Variants in SRCIN1 observed in about 807,000 individuals in gnomAD.
SRCIN1 encodes the protein P130Cas-associated protein.
A neutral mutation model predicts 116.2 loss-of-function variants in SRCIN1; 50 were observed. That is an observed-to-expected ratio of 0.43 (90% CI 0.34 to 0.54). The LOEUF (loss-of-function observed/expected upper bound fraction) is 0.54. Ranked by LOEUF, SRCIN1 falls within the 20% of genes least tolerant of loss-of-function variation. SRCIN1 has a pLI of 0.02. For synonymous variants in SRCIN1, 736 were observed against 750.0 expected, an observed-to-expected ratio of 0.98 and a Z score of 0.30; for missense variants, 1,446 against 1,672.0, an observed-to-expected ratio of 0.86 and a Z score of 2.36.
intron 3 of SRCIN1, among the ~76,000 whole-genome samples, chr17:38,565,259 C>T (rs1906605891): frequency 2.0e-5 from 3 of 152,136 alleles, no homozygotes; most frequent in Admixed American, 2.0e-4. Context: ...TGCCTTAGTC[C>T]CTGGGCAAGA....
intron 14 of SRCIN1, 190 bp downstream of exon 14, chr17:38,551,696 T>C: frequency 1.2e-6 from 1 of 857,906 alleles, no homozygotes; most frequent in Non-Finnish European, 1.8e-6. Context: ...ATTGTAGCTT[T>C]ATAATACGCT....
chr17:38,552,267 C>T lies in SRCIN1; in HGVS notation c.2481-135G>A. On this transcript the variant is annotated intron_variant, in intron 13 of 18. Coordinates refer to ENST00000617146, the MANE Select transcript of SRCIN1 (RefSeq NM_025248.3). This position sits in a 1 kb window ranked among gnomAD's most constrained non-coding sequence, Gnocchi z 5.3. ...GGAGGGCCTGGGGAGGAGTGACTGC[C>T]CCTGGTATAAGAGGAAGCCAGGTCT... 2 of 1,438,500 alleles carry T rather than the reference C, an allele frequency of 1.4e-6. No homozygotes were observed. Among genetic ancestry groups the T allele is most frequent in the Non-Finnish European group, 1.9e-6 (2 of 1,073,448 alleles). The allele number at this position is 1,438,500 out of a possible 1,614,324, so 89.1% of individuals were successfully genotyped here.
chr17:38,581,827 G>A (rs1450982343), intron 1 of SRCIN1, among the ~76,000 whole-genome samples: 2 of 152,156 alleles, frequency 1.3e-5, no homozygotes, highest in African/African-American at 2.4e-5. Context: ...TGAGAAGGCT[G>A]GGGGTTCCCT....
At chr17:38,534,595 C>T (rs1012462620) in intron 18 of SRCIN1, among the ~76,000 whole-genome samples, 11 of 152,180 alleles carry the variant, frequency 7.2e-5, no homozygotes, top group Admixed American at 2.6e-4. Context: ...TGGGCAGGGT[C>T]GTTCACTTCC....
In SRCIN1 at chr17:38,564,238, C is replaced by A; in HGVS notation, c.421G>T (p.Ala141Ser). 6.3e-7 allele frequency: 1 copy of A among 1,578,606 alleles called. No homozygotes were observed. The highest frequency in any genetic ancestry group is 8.6e-7 in the Non-Finnish European group (1 of 1,163,992). The change falls in exon 4 of 19, where the codon GCC (alanine) becomes TCC (serine). Residue 141 changes from alanine (A) to serine (S), a missense_variant. By Grantham distance (99) the Ala-to-Ser change is moderately conservative. This residue lies in a region of SRCIN1 where 246 missense variants were observed against 265.1 expected (regional missense o/e 0.93). Transcript: ENST00000617146. The stretch of plus-strand genomic sequence containing the variant: ...TCCGACATGGTCTCCAGCGACTCGG[C>A]GGAGGCGTAGGACAGCTTTGCCGCC... ...DQAAKLSYAS[A>S]ESLETMSEAE...
Position 38,558,513 on chromosome 17 carries a change from C to T in SRCIN1, c.2026-111G>A. On this transcript the variant is annotated intron_variant, in intron 10 of 18. Coordinates refer to ENST00000617146, the MANE Select transcript of SRCIN1 (RefSeq NM_025248.3). This position sits in a 1 kb window ranked among gnomAD's most constrained non-coding sequence, Gnocchi z 4.6. ...CTGCCCAATCCAGGGCGGGGCTCTGCAGAAGAAGCGGCTGCTTGGCTCCGC... is the reference window on the plus strand; with the variant it reads ...CTGCCCAATCCAGGGCGGGGCTCTGTAGAAGAAGCGGCTGCTTGGCTCCGC... 2 of 1,302,980 alleles carry T rather than the reference C, an allele frequency of 1.5e-6. No individual in the cohort carries two copies. Among genetic ancestry groups the T allele is most frequent in the Non-Finnish European group, 2.1e-6 (2 of 974,128 alleles). 80.7% of individuals were successfully genotyped at this position (1,302,980 alleles called of 1,614,324 possible). A position where few individuals can be genotyped will look rare whatever the true frequency, so the allele number is the denominator to read the frequency against.
rs115604546 is a variant in SRCIN1, at chr17:38,557,877, C to T, written c.2201+350G>A. On this transcript the variant is annotated intron_variant, in intron 11 of 18. Coordinates refer to ENST00000617146, the MANE Select transcript of SRCIN1 (RefSeq NM_025248.3). The stretch of plus-strand genomic sequence containing the variant: ...CTCACTACCCAAGGGTCACTTTGCA[C>T]GGGTCACAGGCCAAAATGAAAGTAG... 4.3e-3 allele frequency among the ~76,000 whole-genome samples: 654 copies of T among 152,256 alleles called. 7 individuals are homozygous for T. Among genetic ancestry groups the T allele is most frequent in the African/African-American group, 0.015 (632 of 41,538 alleles).
chr17:38,605,667 G>T lies in SRCIN1; in HGVS notation c.22+17C>A. The stretch of plus-strand genomic sequence containing the variant: ...AAGCATGGAGGCACATTAGGGAGGA[G>T]AGAGACAGGGACATGCCTTGGGACG... On this transcript the variant is annotated intron_variant, in intron 1 of 18. Coordinates refer to ENST00000617146, the MANE Select transcript of SRCIN1 (RefSeq NM_025248.3). 7.3e-7 allele frequency: 1 copy of T among 1,367,448 alleles called. No homozygotes were observed. The highest frequency in any genetic ancestry group is 9.5e-7 in the Non-Finnish European group (1 of 1,052,560). The allele number at this position is 1,367,448 out of a possible 1,614,324, so 84.7% of individuals were successfully genotyped here.
chr17:38,605,727 G>GGGGCCCC lies in SRCIN1; in HGVS notation c.-29_-23dup. ...CCATCGGGCGGGGGCGCGGGGGGCG[G>GGGGCCCC]GGGCCCCGGGCCGGCCTGCCTGGCG... On this transcript the variant is annotated 5_prime_UTR_variant, in exon 1 of 19. Transcript: ENST00000617146. 1 of 1,160,672 alleles carries GGGGCCCC rather than the reference G, an allele frequency of 8.6e-7. No individual in the cohort carries two copies. Among genetic ancestry groups the GGGGCCCC allele is most frequent in the African/African-American group, 1.7e-5 (1 of 60,374 alleles). The allele number at this position is 1,160,672 out of a possible 1,614,324, so 71.9% of individuals were successfully genotyped here.
intron 1 of SRCIN1, among the ~76,000 whole-genome samples, chr17:38,584,788 G>A (rs1908026931): frequency 6.6e-6 from 1 of 152,160 alleles, no homozygotes; most frequent in South Asian, 2.1e-4. Flanking sequence ...TCTGTCCTCT[G>A]GCTGCCCCTG....
At position 38,558,625 on chromosome 17, in the gene SRCIN1, A is replaced by G. The variant is rs376514809; in HGVS notation, c.2026-223T>C. Among the ~76,000 whole-genome samples, 464 of 152,284 alleles carry G rather than the reference A, an allele frequency of 3.0e-3. 1 individual carries two copies. The highest frequency in any genetic ancestry group is 5.1e-3 in the Non-Finnish European group (347 of 68,022). ...GCAGAGGGCTAAGTTCTGGGGAAGA[A>G]CAGAGGCAGGAGGAGAACGGATGGG... On this transcript the variant is annotated intron_variant, in intron 10 of 18. Transcript: ENST00000617146. The surrounding 1 kb of genome is among the most constrained non-coding windows in gnomAD (Gnocchi z 4.6).
chr17:38,543,774 G>A (rs1454612839), intron 18 of SRCIN1, 49 bp downstream of exon 18: 10 of 1,583,676 alleles, frequency 6.3e-6, no homozygotes, highest in Admixed American at 3.4e-5. Flanking sequence ...GCAGGGGCCC[G>A]GCATGCAGCA....
intron 11 of SRCIN1, among the ~76,000 whole-genome samples, chr17:38,556,214 A>C (rs1905777975): frequency 6.6e-6 from 1 of 152,252 alleles, no homozygotes; most frequent in African/African-American, 2.4e-5. Flanking sequence ...TAGTTTAAAA[A>C]TTATTAAGAA....
rs1905637015 is a variant in SRCIN1 at position 38,554,223 on chromosome 17, A to G, written c.2202-1368T>C. Among the ~76,000 whole-genome samples the G allele has an allele frequency of 4.6e-5, 7 of 152,004 alleles. 1 individual carries two copies. The South Asian group carries it at 1.5e-3, about 32-fold the overall frequency. On this transcript the variant is annotated intron_variant, in intron 11 of 18. Coordinates refer to ENST00000617146, the MANE Select transcript of SRCIN1 (RefSeq NM_025248.3). Reference sequence around the variant, plus strand: ...GGGACTCTGTCTCAAAAAAAAAAAAAAGAGTTCCCCCTTCATGGGGGCCAT... The same window carrying G: ...GGGACTCTGTCTCAAAAAAAAAAAAGAGAGTTCCCCCTTCATGGGGGCCAT...
intron 1 of SRCIN1, among the ~76,000 whole-genome samples, chr17:38,599,236 C>T (rs1363325495): frequency 1.3e-5 from 2 of 152,158 alleles, no homozygotes; most frequent in Non-Finnish European, 1.5e-5. Flanking sequence ...GAGGGGGCAA[C>T]TAAATTGCCA....
rs1179630885 is a variant in SRCIN1 at position 38,563,287 on chromosome 17, G to A, written c.740+36C>T. 4 of 1,553,242 alleles carry A rather than the reference G, an allele frequency of 2.6e-6. No homozygotes were observed. The highest frequency in any genetic ancestry group is 2.7e-5 in the African/African-American group (2 of 73,124). Reference sequence around the variant, plus strand: ...AGCACCCTGCAGAGGAGGAGCGTGGGGAAGCCCACCCAAATCCCCCCCGGT... The same window carrying A: ...AGCACCCTGCAGAGGAGGAGCGTGGAGAAGCCCACCCAAATCCCCCCCGGT... On this transcript the variant is annotated intron_variant, in intron 5 of 18. Transcript: ENST00000617146. The surrounding 1 kb of genome is among the most constrained non-coding windows in gnomAD (Gnocchi z 5.8).
In SRCIN1 at chr17:38,561,996, C is replaced by T. The variant is rs369528081; in HGVS notation, c.1167G>A (p.Leu389=). ...DLASKAGGMV[L]VKGEGLYADP... ...CAGCATAGAGGCCCTCGCCTTTCAC[C>T]AGCACCATGCCGCCCGCCTTGCTCG... Residue 389 remains leucine (L), a synonymous_variant, in exon 7 of 19, where the codon CTG becomes CTA. Transcript: ENST00000617146. 1.6e-4 allele frequency: 232 copies of T among 1,494,446 alleles called. 1 individual carries two copies. In the African/African-American group the frequency reaches 3.1e-3, roughly 20 times the overall value. 92.6% of individuals were successfully genotyped at this position (1,494,446 alleles called of 1,614,324 possible). A position where few individuals can be genotyped will look rare whatever the true frequency, so the allele number is the denominator to read the frequency against.
chr17:38,580,576 C>T (rs1907731926), intron 1 of SRCIN1, among the ~76,000 whole-genome samples: 1 of 152,212 alleles, frequency 6.6e-6, no homozygotes, highest in African/African-American at 2.4e-5. Context: ...ATGGAAGAGG[C>T]CTGATTTGAT....
At chr17:38,554,538 C>T (rs1478550223) in intron 11 of SRCIN1, among the ~76,000 whole-genome samples, 1 of 152,204 alleles carries the variant, frequency 6.6e-6, no homozygotes, top group Admixed American at 6.5e-5. Flanking sequence ...AGCCCCTCCC[C>T]TTGCGGCTGT....
Sources: gnomAD v4.1 joint callset for allele counts (sites outside exome capture counted in the v4.1 genomes callset) on GRCh38, gnomAD v4.1.1 for gene constraint, gnomAD v4.1.1 regional missense constraint, Gnocchi (gnomAD v3.1) non-coding constraint, MANE v1.5 for transcripts, NCBI Gene and HGNC (gene_info 2026-07-23, HGNC 2026-07-21) for gene names.